Variants in MUC5B observed in about 807,000 individuals in gnomAD.
The protein encoded by MUC5B is mucin-5B.
MUC5B carries 116 observed loss-of-function variants against 376.9 expected under a neutral mutation model. The observed-to-expected ratio is 0.31, with a 90% CI of 0.26 to 0.36. MUC5B has a LOEUF of 0.36. Among genes scored for constraint, MUC5B ranks in the 10% least tolerant of loss-of-function variants. The pLI is 1.00. For missense variants in MUC5B, 7,165 were observed against 7,769.9 expected, an observed-to-expected ratio of 0.92 and a Z score of 2.93; for synonymous variants, 3,517 against 3,390.9, an observed-to-expected ratio of 1.04 and a Z score of -1.29.
chr11:1,229,108 G>T, intron 8 of MUC5B, 62 bp from the exon 9 acceptor site: 1 of 1,470,684 alleles, frequency 6.8e-7, no homozygotes, highest in Admixed American at 2.3e-5. Flanking sequence ...AGGCGGCTGG[G>T]GCTGACCACA....
chr11:1,260,496 C>G (rs914995247), intron 47 of MUC5B, 103 bp downstream of exon 47: 7 of 1,486,312 alleles, frequency 4.7e-6, no homozygotes, highest in Non-Finnish European at 6.5e-6. Context: ...GGGATGCCCG[C>G]GTCCAGACTC....
In MUC5B at chr11:1,234,920, C is replaced by T. The variant is rs1442933830; in HGVS notation, c.2631-165C>T. Among the ~76,000 whole-genome samples, 4 of 152,134 alleles carry T rather than the reference C, an allele frequency of 2.6e-5. No individual in the cohort carries two copies. The highest frequency in any genetic ancestry group is 4.4e-5 in the Non-Finnish European group (3 of 67,998). On this transcript the variant is annotated intron_variant, in intron 21 of 48. Coordinates refer to ENST00000529681, the MANE Select transcript of MUC5B (RefSeq NM_002458.3). This position sits in a 1 kb window ranked among gnomAD's most constrained non-coding sequence, Gnocchi z 6.3. ...ACCAGGAGCCTGGTGGGGCTGCGTG[C>T]CCTGCATTCACAGTGGGGGACACCA...
In MUC5B at chr11:1,252,847, C is replaced by T. The variant is rs1408826767; in HGVS notation, c.15084C>T (p.Ala5028=). Residue 5028 remains alanine (A), a synonymous_variant, in exon 33 of 49, where the codon GCC becomes GCT. Transcript: ENST00000529681. The stretch of plus-strand genomic sequence containing the variant: ...GGACCCTGGAGAACTGCACGGTGGC[C>T]AGGTGCGTGGGTGACAACCGTGTCG... ...ETWTLENCTV[A]RCVGDNRVVL... is the part of the protein sequence containing the mutation. The T allele has an allele frequency of 5.6e-6, 9 of 1,611,826 alleles. No homozygotes were observed. Among genetic ancestry groups the T allele is most frequent in the Non-Finnish European group, 7.6e-6 (9 of 1,179,606 alleles).
At chr11:1,252,227 T>G in intron 31 of MUC5B, 116 bp from the exon 32 acceptor site, 1 of 1,047,344 alleles carries the variant, frequency 9.5e-7, no homozygotes, top group Non-Finnish European at 1.4e-6. Flanking sequence ...CCCTCTCCAC[T>G]CCCTTCCCTG....
rs577228801 is a variant in MUC5B, at chr11:1,239,035, G to T, written c.3454+8G>T. 24 of 1,571,494 alleles carry T rather than the reference G, an allele frequency of 1.5e-5. No individual in the cohort carries two copies. The African/African-American group carries it at 2.0e-4, about 13-fold the overall frequency. On this transcript the variant is annotated splice_region_variant and intron_variant, in intron 26 of 48. Transcript: ENST00000529681. The stretch of plus-strand genomic sequence containing the variant: ...GGACTCCGGACACCTGCCGTGAGTC[G>T]GGCTCTGTCCGTGGTGCTGAAGGGT...
intron 31 of MUC5B, 150 bp downstream of exon 31, chr11:1,251,893 C>G (rs983095529): frequency 1.5e-6 from 1 of 649,600 alleles, no homozygotes; most frequent in Admixed American, 2.9e-5. Flanking sequence ...ACACTGGGTC[C>G]CCACTGGCCA....
rs1225826065 is a variant in MUC5B, at chr11:1,253,133, T to C, written c.15217+153T>C. On this transcript the variant is annotated intron_variant, in intron 33 of 48. Transcript: ENST00000529681. The surrounding 1 kb of genome is among the most constrained non-coding windows in gnomAD (Gnocchi z 4.3). ...GGGCATGGTGGGGTGCAGTGGGGCA[T>C]GGTGGGGCATGGTGGGGTGTGGTGG... is the stretch of plus-strand genomic sequence containing the variant. 1.4e-6 allele frequency: 1 copy of C among 693,698 alleles called. No individual in the cohort carries two copies. Among genetic ancestry groups the C allele is most frequent in the Non-Finnish European group, 2.4e-6 (1 of 422,058 alleles). 43.0% of individuals were successfully genotyped at this position (693,698 alleles called of 1,614,324 possible). A position where few individuals can be genotyped will look rare whatever the true frequency, so the allele number is the denominator to read the frequency against.
rs1862496075 is a variant in MUC5B, at chr11:1,246,995, G to T, written c.10115G>T (p.Gly3372Val). The change falls in exon 31 of 49, where the codon GGT becomes GTT. Residue 3372 changes from glycine to valine, a missense_variant. Around this residue, in one of 31 missense-constraint regions of MUC5B, gnomAD observed 939 missense variants for 770.6 expected, o/e 1.22. Transcript: ENST00000529681. ...ACCACCACCACAACTGTGGCCACTG[G>T]TTCTATGGCAACACCCTCCTCTAGC... ...LTTTTTTVAT[G>V]SMATPSSSTQ... 4 of 1,560,678 alleles carry T rather than the reference G, an allele frequency of 2.6e-6. No individual in the cohort carries two copies. Among genetic ancestry groups the T allele is most frequent in the Non-Finnish European group, 2.6e-6 (3 of 1,153,256 alleles).
chr11:1,258,995 T>C lies in MUC5B; in HGVS notation c.16647T>C (p.Ser5549=). ...ALPCHMCTCL[S]GDTQDPTVQC... ...CCTGCCACATGTGTACCTGCCTCTC[T>C]GGGGACACCCAGGACCCAACGGTGC... Residue 5549 remains serine (S), a synonymous_variant, in exon 44 of 49, where the codon TCT becomes TCC. Transcript: ENST00000529681. This position sits in a 1 kb window ranked among gnomAD's most constrained non-coding sequence, Gnocchi z 5.5. The C allele has an allele frequency of 1.3e-6, 2 of 1,560,706 alleles. No homozygotes were observed. The highest frequency in any genetic ancestry group is 2.4e-5 in the East Asian group (1 of 41,530).
At position 1,233,256 on chromosome 11, in the gene MUC5B, AG is replaced by A; in HGVS notation, c.2312del (p.Gly771AlafsTer11). The A allele has an allele frequency of 6.4e-7, 1 of 1,572,256 alleles. No individual in the cohort carries two copies. The highest frequency in any genetic ancestry group is 8.6e-7 in the Non-Finnish European group (1 of 1,161,050). ...GCTCCTGGAGAGGTGGTGCACGACGAGGGCGCCGTGTGGTAAGGGTCTGGGG... is the reference window on the plus strand; with the variant it reads ...GCTCCTGGAGAGGTGGTGCACGACGAGGCGCCGTGTGGTAAGGGTCTGGGG... ...VLAPGEVVHD[E>X]GAVCSCTGGK... On this transcript the variant is annotated frameshift_variant, in exon 18 of 49. Coordinates refer to ENST00000529681, the MANE Select transcript of MUC5B (RefSeq NM_002458.3). LOFTEE classifies it high-confidence loss of function.
Position 1,257,400 on chromosome 11 carries a change from G to A in MUC5B, c.16269+129G>A. On this transcript the variant is annotated intron_variant, in intron 40 of 48. Coordinates refer to ENST00000529681, the MANE Select transcript of MUC5B (RefSeq NM_002458.3). The surrounding 1 kb of genome is among the most constrained non-coding windows in gnomAD (Gnocchi z 8.9). ...TGTGACGTGGACGTGCCAGTGGCTG[G>A]TGTGCGCTTCCTGCCCCATCACTCT... 1 of 1,107,416 alleles carries A rather than the reference G, an allele frequency of 9.0e-7. No individual in the cohort carries two copies. The highest frequency in any genetic ancestry group is 1.4e-6 in the Non-Finnish European group (1 of 740,438). 68.6% of individuals were successfully genotyped at this position (1,107,416 alleles called of 1,614,324 possible). A position where few individuals can be genotyped will look rare whatever the true frequency, so the allele number is the denominator to read the frequency against.
Position 1,250,593 on chromosome 11 carries a change from A to C in MUC5B, c.13713A>C (p.Thr4571=), listed in dbSNP as rs773078366. 1.4e-5 allele frequency: 22 copies of C among 1,612,082 alleles called. No homozygotes were observed. The highest frequency in any genetic ancestry group is 3.3e-4 in the Middle Eastern group (2 of 6,074). The change falls in exon 31 of 49, where the codon ACA becomes ACC. Residue 4571 remains threonine, a synonymous_variant. Coordinates refer to ENST00000529681, the MANE Select transcript of MUC5B (RefSeq NM_002458.3). ...TSTVLTATAT[T]TGATGSVATP... is the part of the protein sequence containing the mutation. ...CAGTGCTTACCGCCACGGCCACCAC[A>C]ACCGGGGCCACCGGCTCTGTGGCCA...
Position 1,243,690 on chromosome 11 carries a change from G to A in MUC5B, c.6810G>A (p.Thr2270=), listed in dbSNP as rs775597611. The change falls in exon 31 of 49, where the codon ACG becomes ACA. Residue 2270 remains threonine, a synonymous_variant. Coordinates refer to ENST00000529681, the MANE Select transcript of MUC5B (RefSeq NM_002458.3). ...RTTESPPSPG[T]TTPGHTTATS... ...CCGAGTCACCCCCTTCTCCAGGGAC[G>A]ACCACCCCGGGCCACACCACGGCCA... 15 of 1,610,690 alleles carry A rather than the reference G, an allele frequency of 9.3e-6. No individual in the cohort carries two copies. The highest frequency in any genetic ancestry group is 3.3e-5 in the Admixed American group (2 of 59,920).
chr11:1,226,964 G>C (rs970016998), intron 4 of MUC5B, 67 bp from the exon 5 acceptor site: 1 of 1,568,690 alleles, frequency 6.4e-7, no homozygotes, highest in Non-Finnish European at 8.7e-7. Flanking sequence ...GCCAGGGCTG[G>C]GGGGGGGTTG....
Position 1,241,628 on chromosome 11 carries a change from G to A in MUC5B, c.4748G>A (p.Gly1583Asp). The change falls in exon 31 of 49, where the codon GGC (glycine) becomes GAC (aspartate). Residue 1583 changes from glycine (G) to aspartate (D), a missense_variant. Gly to Asp is a moderately conservative substitution (Grantham distance 94, BLOSUM62 -1). Transcript: ENST00000529681. ...GTGTGCAGGAACTGGGAGCAGGAGG[G>A]CGTCTTCAAGATGTGCTACAACTAC... ...GLVCRNWEQE[G>D]VFKMCYNYRI... 1 of 1,612,320 alleles carries A rather than the reference G, an allele frequency of 6.2e-7. No individual in the cohort carries two copies. Among genetic ancestry groups the A allele is most frequent in the Non-Finnish European group, 8.5e-7 (1 of 1,179,510 alleles).
Position 1,254,116 on chromosome 11 carries a change from C to T in MUC5B, c.15242C>T (p.Ser5081Phe). ...GGCATCTGCAGCATGTGGGGCGGCTCCCACTATTCCACCTTTGACGGCACC... is the reference window on the plus strand; with the variant it reads ...GGCATCTGCAGCATGTGGGGCGGCTTCCACTATTCCACCTTTGACGGCACC... ...CECICSMWGG[S>F]HYSTFDGTSY... is the part of the protein sequence containing the mutation. The change falls in exon 34 of 49, where the codon TCC (serine) becomes TTC (phenylalanine). Residue 5081 changes from serine (S) to phenylalanine (F), a missense_variant. This residue lies in a region of MUC5B where 842 missense variants were observed against 1,016.9 expected (regional missense o/e 0.83). Coordinates refer to ENST00000529681, the MANE Select transcript of MUC5B (RefSeq NM_002458.3). The T allele has an allele frequency of 6.2e-7, 1 of 1,612,488 alleles. No individual in the cohort carries two copies. The highest frequency in any genetic ancestry group is 1.3e-5 in the African/African-American group (1 of 75,034).
intron 30 of MUC5B, 32 bp from the exon 31 acceptor site, chr11:1,240,819 G>A (rs1481059942): frequency 1.3e-6 from 2 of 1,568,306 alleles, no homozygotes; most frequent in South Asian, 1.2e-5. Context: ...GGAGGATGCT[G>A]AGCCAGGACC....
Position 1,249,884 on chromosome 11 carries a change from G to C in MUC5B, c.13004G>C (p.Gly4335Ala). The C allele has an allele frequency of 6.2e-7, 1 of 1,612,978 alleles. No individual in the cohort carries two copies. The highest frequency in any genetic ancestry group is 1.7e-5 in the Admixed American group (1 of 59,952). Residue 4335 changes from glycine to alanine, a missense_variant, in exon 31 of 49, where the codon GGG (glycine) becomes GCG (alanine). Physicochemically the swap from Gly to Ala is moderately conservative, Grantham distance 60. Coordinates refer to ENST00000529681, the MANE Select transcript of MUC5B (RefSeq NM_002458.3). ...PIPSSTLGTTGTLPEQTTTPV... is the reference protein window; with the variant it reads ...PIPSSTLGTTATLPEQTTTPV... The stretch of plus-strand genomic sequence containing the variant: ...CCCTCCTCCACCCTTGGGACCACCG[G>C]GACCCTCCCAGAACAGACCACCACA...
Position 1,233,111 on chromosome 11 carries a change from T to G in MUC5B, c.2164T>G (p.Cys722Gly). The G allele has an allele frequency of 6.2e-7, 1 of 1,608,116 alleles. No homozygotes were observed. The highest frequency in any genetic ancestry group is 8.5e-7 in the Non-Finnish European group (1 of 1,179,496). ...CGGCCTGAGTGAGGCCGACGTCACC[T>G]GCAGCGTTTCCTTCGTGCCTGTGGA... ...CRGLSEADVT[C>G]SVSFVPVDGC... Residue 722 changes from cysteine (C) to glycine (G), a missense_variant, in exon 18 of 49, where the codon TGC becomes GGC. Transcript: ENST00000529681.
Sources: allele counts gnomAD v4.1 joint callset (sites outside exome capture counted in the v4.1 genomes callset), GRCh38; gene constraint gnomAD v4.1.1; regional missense constraint gnomAD v4.1.1; non-coding constraint Gnocchi (gnomAD v3.1); transcripts MANE v1.5; gene names NCBI Gene and HGNC (gene_info 2026-07-23, HGNC 2026-07-21).